The following ARNT2 variants were observed in gnomAD, a reference collection of about 807,000 sequenced individuals.
ARNT2 encodes aryl hydrocarbon receptor nuclear translocator 2.
In ARNT2, 36 loss-of-function variants were observed where a neutral mutation model predicts 91.7. The observed-to-expected ratio is 0.39, with a 90% confidence interval of 0.30 to 0.52. ARNT2 has a LOEUF of 0.52. ARNT2 is among the 20% of genes least tolerant of loss of function. The probability of loss-of-function intolerance (pLI) is 0.72; values close to 1 mark genes in which losing one functional copy is unlikely to be tolerated. For missense variants in ARNT2, 775 were observed against 939.3 expected, an observed-to-expected ratio of 0.83 and a Z score of 2.29; for synonymous variants, 365 against 347.1, an observed-to-expected ratio of 1.05 and a Z score of -0.57.
rs17315784 is a variant in ARNT2 at position 80,428,563 on chromosome 15, G to A, written c.32-22317G>A. Among the ~76,000 whole-genome samples the A allele has an allele frequency of 1.0e-2, 1,519 of 152,328 alleles. 14 individuals carry two copies. Among genetic ancestry groups the A allele is most frequent in the Non-Finnish European group, 0.016 (1,107 of 68,036 alleles). ...GTTGATAAATGTAGAAACTGCGTCC[G>A]AAGGAGGGCCAAGATCACAAGGGAG... On this transcript the variant is annotated intron_variant, in intron 1 of 18. Transcript: ENST00000303329.
chr15:80,455,949 C>T (rs1205202833), intron 2 of ARNT2, among the ~76,000 whole-genome samples: 2 of 152,108 alleles, frequency 1.3e-5, no homozygotes, highest in African/African-American at 4.8e-5. Flanking sequence ...AAATAACCTT[C>T]ATGTGGACGG....
rs139771118 is a variant in ARNT2 at position 80,588,109 on chromosome 15, G to A, written c.1919-3459G>A. 2.0e-3 allele frequency among the ~76,000 whole-genome samples: 302 copies of A among 152,246 alleles called. 1 individual carries two copies. The highest frequency in any genetic ancestry group is 0.014 in the Middle Eastern group (4 of 294). Reference sequence around the variant, plus strand: ...GGGCAGTGAGAATGGAGGAAAGCAGGTAGGAGTTGAGAGATGGTATTTAGG... The same window carrying A: ...GGGCAGTGAGAATGGAGGAAAGCAGATAGGAGTTGAGAGATGGTATTTAGG... On this transcript the variant is annotated intron_variant, in intron 17 of 18. Coordinates refer to ENST00000303329, the MANE Select transcript of ARNT2 (RefSeq NM_014862.4).
At chr15:80,451,196 T>C (rs1179515957) in intron 2 of ARNT2, among the ~76,000 whole-genome samples, 1 of 152,262 alleles carries the variant, frequency 6.6e-6, no homozygotes, top group Non-Finnish European at 1.5e-5. Flanking sequence ...TGGGGACTTC[T>C]GTTTGCTTGT....
At chr15:80,537,092 C>G (rs1897838162) in intron 8 of ARNT2, among the ~76,000 whole-genome samples, 2 of 152,178 alleles carry the variant, frequency 1.3e-5, no homozygotes, top group South Asian at 4.1e-4. Context: ...TTCGCAGGCT[C>G]TGCTGGTCCC....
rs143472066 is a variant in ARNT2, at chr15:80,439,791, C to T, written c.32-11089C>T. Reference sequence around the variant, plus strand: ...GAGAACTGGCCTCTTCCCTTTTATACAGGAAGGTCCCTCAGGTATCTGAAG... The same window carrying T: ...GAGAACTGGCCTCTTCCCTTTTATATAGGAAGGTCCCTCAGGTATCTGAAG... On this transcript the variant is annotated intron_variant, in intron 1 of 18. Coordinates refer to ENST00000303329, the MANE Select transcript of ARNT2 (RefSeq NM_014862.4). 4.6e-5 allele frequency among the ~76,000 whole-genome samples: 7 copies of T among 152,308 alleles called. No individual in the cohort carries two copies. In the South Asian group the frequency reaches 6.2e-4, roughly 14 times the overall value.
intron 1 of ARNT2, among the ~76,000 whole-genome samples, chr15:80,425,259 T>C (rs1179606499): frequency 6.6e-6 from 1 of 152,234 alleles, no homozygotes; most frequent in African/African-American, 2.4e-5. Flanking sequence ...TTCTGAAATA[T>C]ACAGAAGACT....
rs187774604 is a variant in ARNT2, at chr15:80,568,637, G to A, written c.1316+5398G>A. On this transcript the variant is annotated intron_variant, in intron 12 of 18. Transcript: ENST00000303329. ...GCTGCTTTCCTGGTCTCTGCAGAGC[G>A]TAGAGGCAGTAAGGGGCTGAAACAG... is the stretch of plus-strand genomic sequence containing the variant. Among the ~76,000 whole-genome samples, 46 of 152,316 alleles carry A rather than the reference G, an allele frequency of 3.0e-4. 1 individual carries two copies. Among genetic ancestry groups the A allele is most frequent in the Admixed American group, 2.1e-3 (32 of 15,304 alleles).
chr15:80,576,403 A>G (rs1249234580), intron 14 of ARNT2, among the ~76,000 whole-genome samples: 2 of 152,018 alleles, frequency 1.3e-5, no homozygotes, highest in South Asian at 2.1e-4. Flanking sequence ...CAGCCTCCCG[A>G]GTAGCTGGAA....
intron 12 of ARNT2, among the ~76,000 whole-genome samples, chr15:80,571,557 T>C (rs1898584133): frequency 1.3e-5 from 2 of 152,170 alleles, no homozygotes; most frequent in South Asian, 4.1e-4. Flanking sequence ...GATCCCTTGA[T>C]CTCTGTCCTG....
chr15:80,586,673 C>A (rs1893177928), intron 17 of ARNT2, among the ~76,000 whole-genome samples: 1 of 151,990 alleles, frequency 6.6e-6, no homozygotes, highest in Non-Finnish European at 1.5e-5. Context: ...CAAGACCAGC[C>A]TGGCCAACAT....
intron 3 of ARNT2, among the ~76,000 whole-genome samples, chr15:80,464,035 G>A (rs2081979195): frequency 6.6e-6 from 1 of 152,206 alleles, no homozygotes; most frequent in African/African-American, 2.4e-5. Context: ...TTTTTGGAGA[G>A]AGAGGAGGAA....
intron 5 of ARNT2, among the ~76,000 whole-genome samples, chr15:80,504,291 T>C (rs560379774): frequency 2.6e-4 from 39 of 152,384 alleles, no homozygotes; most frequent in African/African-American, 9.4e-4. Context: ...TTTGAGTCTA[T>C]TCTCATCGAC....
intron 1 of ARNT2, among the ~76,000 whole-genome samples, chr15:80,433,475 G>A (rs923188337): frequency 6.6e-6 from 1 of 151,628 alleles, no homozygotes; most frequent in Non-Finnish European, 1.5e-5. Context: ...TAGTAGAGAC[G>A]AGGTTTCACC....
chr15:80,565,532 G>T (rs1364330639), intron 12 of ARNT2, among the ~76,000 whole-genome samples: 1 of 133,114 alleles, frequency 7.5e-6, no homozygotes, highest in Non-Finnish European at 1.6e-5. Flanking sequence ...TTTTGTTTTT[G>T]TTATTGTTTT....
intron 15 of ARNT2, among the ~76,000 whole-genome samples, chr15:80,579,465 G>A (rs1415024057): frequency 6.6e-6 from 1 of 152,104 alleles, no homozygotes; most frequent in African/African-American, 2.4e-5. Flanking sequence ...GAATACAATA[G>A]TAAAATTTTA....
intron 18 of ARNT2, 50 bp from the exon 19 acceptor site, chr15:80,593,550 C>T (rs754672941): frequency 2.8e-5 from 40 of 1,442,932 alleles, no homozygotes; most frequent in South Asian, 1.4e-4. Flanking sequence ...GCCCAGTGCA[C>T]GGACAGAGGA....
intron 3 of ARNT2, among the ~76,000 whole-genome samples, chr15:80,462,731 G>A (rs189922091): frequency 6.6e-6 from 1 of 152,268 alleles, no homozygotes; most frequent in Admixed American, 6.5e-5. Context: ...GCTGCTCTTT[G>A]GTGAGATTGT....
intron 1 of ARNT2, among the ~76,000 whole-genome samples, chr15:80,407,662 T>A (rs1032970724): frequency 2.6e-5 from 4 of 152,182 alleles, no homozygotes; most frequent in African/African-American, 9.7e-5. Context: ...ATGACATATA[T>A]CCTTTAGACT....
intron 5 of ARNT2, among the ~76,000 whole-genome samples, chr15:80,497,752 G>A (rs1025270563): frequency 1.3e-5 from 2 of 150,926 alleles, no homozygotes; most frequent in Non-Finnish European, 2.9e-5. Flanking sequence ...GTAGAGCAGT[G>A]TTGGATATAG....
Sources: allele counts gnomAD v4.1 joint callset (sites outside exome capture counted in the v4.1 genomes callset), GRCh38; gene constraint gnomAD v4.1.1; transcripts MANE v1.5; gene names NCBI Gene and HGNC (gene_info 2026-07-23, HGNC 2026-07-21).